The following STRA6 variants were observed in gnomAD, a reference collection of about 807,000 sequenced individuals.
The protein encoded by STRA6 is receptor for retinol uptake STRA6.
Under a neutral mutation model 83.6 loss-of-function variants are expected in STRA6, and 48 were observed. The ratio of observed to expected loss-of-function variants is 0.57; its 90% CI spans 0.46 to 0.73. STRA6 has a LOEUF of 0.73. Among genes scored for constraint, STRA6 ranks in the 30% least tolerant of loss-of-function variants. STRA6 has a pLI of 0.00. For synonymous variants in STRA6, 353 were observed against 362.3 expected, an observed-to-expected ratio of 0.97 and a Z score of 0.29; for missense variants, 760 against 838.8, an observed-to-expected ratio of 0.91 and a Z score of 1.16.
intron 18 of STRA6, among the ~76,000 whole-genome samples, chr15:74,180,546 G>C (rs1281271100): frequency 6.6e-6 from 1 of 152,170 alleles, no homozygotes; most frequent in East Asian, 1.9e-4. Flanking sequence ...GAGCCCCTTA[G>C]GAAGGCAGCT....
intron 12 of STRA6, among the ~76,000 whole-genome samples, chr15:74,187,380 T>C (rs895015241): frequency 1.3e-5 from 2 of 152,218 alleles, no homozygotes; most frequent in African/African-American, 4.8e-5. Context: ...CTCATGTGAT[T>C]GAGGGCCTCA....
At chr15:74,194,884 G>A (rs538924492) in intron 7 of STRA6, 36 of 1,363,280 alleles carry the variant, frequency 2.6e-5, no homozygotes, top group South Asian at 1.9e-4. Context: ...CTGAGGTTCC[G>A]GAATTCTCCT....
upstream of STRA6, among the ~76,000 whole-genome samples, chr15:74,203,913 G>A (rs964172714): frequency 6.6e-6 from 1 of 152,154 alleles, no homozygotes; most frequent in Non-Finnish European, 1.5e-5. Flanking sequence ...ATGGGGATGG[G>A]GGTGGGGGAA....
chr15:74,190,476 T>G (rs2073476550), intron 11 of STRA6, among the ~76,000 whole-genome samples: 1 of 152,118 alleles, frequency 6.6e-6, no homozygotes, highest in African/African-American at 2.4e-5. Context: ...CATGTTGTCT[T>G]GCTAAATCTT....
At chr15:74,195,608 C>T (rs1016454371) in intron 6 of STRA6, 44 bp downstream of exon 6, 5 of 1,552,504 alleles carry the variant, frequency 3.2e-6, no homozygotes, top group Non-Finnish European at 4.4e-6. Flanking sequence ...AGGTTCAAAT[C>T]CAGGCTCTGA....
intron 4 of STRA6, among the ~76,000 whole-genome samples, chr15:74,197,000 C>T (rs1019859312): frequency 1.3e-5 from 2 of 152,168 alleles, no homozygotes; most frequent in Admixed American, 1.3e-4. Context: ...GGGAAGATGA[C>T]GGTCAAGATG....
Position 74,181,296 on chromosome 15 carries a change from G to T in STRA6, c.1683C>A (p.Pro561=). 6.2e-7 allele frequency: 1 copy of T among 1,613,170 alleles called. No individual in the cohort carries two copies. Among genetic ancestry groups the T allele is most frequent in the Non-Finnish European group, 8.5e-7 (1 of 1,179,864 alleles). Residue 561 remains proline (P), a splice_region_variant and synonymous_variant, in exon 17 of 19, where the codon CCC becomes CCA. Coordinates refer to ENST00000395105, the MANE Select transcript of STRA6 (RefSeq NM_022369.4). ...LLPPRAATLD[P]GYYTYRNFLK... The stretch of plus-strand genomic sequence containing the variant: ...TCCAGCCCCGCCCAGTGACCTTACC[G>T]GGGTCGAGAGTGGCGGCTCTCGGTG...
upstream of STRA6, among the ~76,000 whole-genome samples, chr15:74,204,602 A>G (rs796946822): frequency 1.4e-4 from 21 of 152,354 alleles, no homozygotes; most frequent in African/African-American, 4.8e-4. Context: ...TCTACAAGGC[A>G]GCAGTGTCAG....
upstream of STRA6, chr15:74,209,114 C>A (rs1395007212): frequency 7.6e-7 from 1 of 1,320,064 alleles, no homozygotes; most frequent in South Asian, 2.0e-5. Flanking sequence ...CCCTTGATTC[C>A]GGGATCAGAG....
upstream of STRA6, chr15:74,207,667 C>T: frequency 2.0e-6 from 3 of 1,530,132 alleles, no homozygotes; most frequent in Non-Finnish European, 2.6e-6. Context: ...AGAGGCGTTC[C>T]AGGAGTGGGG....
chr15:74,204,414 T>C (rs2074209223), upstream of STRA6, among the ~76,000 whole-genome samples: 1 of 152,254 alleles, frequency 6.6e-6, no homozygotes, highest in Non-Finnish European at 1.5e-5. Flanking sequence ...AGGCGGCTGC[T>C]GTGCCCTGAG....
upstream of STRA6, chr15:74,209,226 C>T (rs1303236875): frequency 1.4e-5 from 15 of 1,103,818 alleles, no homozygotes; most frequent in Non-Finnish European, 2.0e-5. Flanking sequence ...CCTCTCCACA[C>T]CCCCAAACCG....
chr15:74,180,657 C>T (rs1008391705), intron 18 of STRA6, 125 bp downstream of exon 18: 41 of 1,391,422 alleles, frequency 2.9e-5, no homozygotes, highest in Non-Finnish European at 3.9e-5. Context: ...TGACCAAAGG[C>T]AGCCAAGGAA....
At chr15:74,201,928 C>T (rs1186626618) in intron 2 of STRA6, among the ~76,000 whole-genome samples, 9 of 152,116 alleles carry the variant, frequency 5.9e-5, no homozygotes, top group Admixed American at 5.9e-4. Context: ...AGGTGACCAG[C>T]CTTAGGTGTC....
upstream of STRA6, among the ~76,000 whole-genome samples, chr15:74,203,948 G>C (rs1000994322): frequency 2.6e-5 from 4 of 152,210 alleles, no homozygotes; most frequent in African/African-American, 9.6e-5. Flanking sequence ...AGAGGAAACA[G>C]CACGGGTGAA....
upstream of STRA6, among the ~76,000 whole-genome samples, chr15:74,204,184 G>A (rs1346035910): frequency 2.0e-5 from 3 of 152,182 alleles, no homozygotes; most frequent in Non-Finnish European, 4.4e-5. Flanking sequence ...GTAATGAGGA[G>A]CCCACACTGG....
At chr15:74,192,138 G>C (rs967742526) in intron 8 of STRA6, 4 of 159,040 alleles carry the variant, frequency 2.5e-5, no homozygotes, top group Non-Finnish European at 5.6e-5. Context: ...AGCTTGATGG[G>C]GGTCCTTTGA....
chr15:74,200,439 G>A (rs1052032921), intron 2 of STRA6, among the ~76,000 whole-genome samples: 1 of 152,186 alleles, frequency 6.6e-6, no homozygotes, highest in African/African-American at 2.4e-5. Context: ...GGGTGTTTGA[G>A]CCATTGAATG....
intron 9 of STRA6, 56 bp from the exon 10 acceptor site, chr15:74,191,299 G>T (rs1422616766): frequency 2.3e-5 from 37 of 1,608,886 alleles, no homozygotes; most frequent in Non-Finnish European, 3.1e-5. Context: ...TTCCCTGAGG[G>T]CCAGCCCCAG....
Sources: allele counts gnomAD v4.1 joint callset (sites outside exome capture counted in the v4.1 genomes callset), GRCh38; gene constraint gnomAD v4.1.1; transcripts MANE v1.5; gene names NCBI Gene and HGNC (gene_info 2026-07-23, HGNC 2026-07-21).